Variants in PTPRO observed in about 807,000 individuals in gnomAD.
PTPRO encodes the protein receptor-type tyrosine-protein phosphatase O.
Under a neutral mutation model 145.2 loss-of-function variants are expected in PTPRO, and 62 were observed. That is an observed-to-expected ratio of 0.43 (90% CI 0.35 to 0.53). PTPRO has a LOEUF of 0.53. Among genes scored for constraint, PTPRO ranks in the 20% least tolerant of loss-of-function variants. PTPRO has a pLI of 0.01. For synonymous variants in PTPRO, 565 were observed against 514.7 expected (o/e 1.10, Z -1.32); for missense variants, 1,345 against 1,482.7 (o/e 0.91, Z 1.53).
Position 15,560,538 on chromosome 12 carries a change from T to C in PTPRO, c.2711+262T>C, listed in dbSNP as rs75415070. ...GTTATTTGTTTCTTCATTGAGTCAA[T>C]CCATTGGCCTCTCATCTTTGCAAAT... On this transcript the variant is annotated intron_variant, in intron 17 of 26. Transcript: ENST00000281171. Among the ~76,000 whole-genome samples, 207 of 152,172 alleles carry C rather than the reference T, an allele frequency of 1.4e-3. 2 individuals carry two copies. The East Asian group carries it at 0.038, about 28-fold the overall frequency.
chr12:15,388,860 C>T (rs1939104895), intron 1 of PTPRO, among the ~76,000 whole-genome samples: 1 of 151,960 alleles, frequency 6.6e-6, no homozygotes, highest in Admixed American at 6.6e-5. Flanking sequence ...TTAATAACCA[C>T]ATGTGATATC....
chr12:15,589,373 C>T lies in PTPRO; in HGVS notation c.3411-82C>T, dbSNP rs1944496444. ...CCTGGGCAACAGAGCAAGACTCCAT[C>T]TCAAAGAAAAAAAAAAAAAGAGGGG... On this transcript the variant is annotated intron_variant, in intron 24 of 26. Transcript: ENST00000281171. 34 of 1,512,444 alleles carry T rather than the reference C, an allele frequency of 2.2e-5. No individual in the cohort carries two copies. The South Asian group carries it at 3.7e-4, about 16-fold the overall frequency. The allele number at this position is 1,512,444 out of a possible 1,614,324, so 93.7% of individuals were successfully genotyped here.
At chr12:15,591,846 A>G (rs1340608808) in intron 25 of PTPRO, among the ~76,000 whole-genome samples, 2 of 151,984 alleles carry the variant, frequency 1.3e-5, no homozygotes, top group Non-Finnish European at 1.5e-5. Context: ...CTGGTGACAG[A>G]GCAAGACTCC....
rs767827661 is a variant in PTPRO, at chr12:15,322,707, G to A, written c.-20G>A. 1.2e-6 allele frequency: 2 copies of A among 1,605,928 alleles called. No homozygotes were observed. Among genetic ancestry groups the A allele is most frequent in the Admixed American group, 1.7e-5 (1 of 59,486 alleles). On this transcript the variant is annotated 5_prime_UTR_variant, in exon 1 of 27. Coordinates refer to ENST00000281171, the MANE Select transcript of PTPRO (RefSeq NM_030667.3). The surrounding 1 kb of genome is among the most constrained non-coding windows in gnomAD (Gnocchi z 6.3). ...AGTCCGCTAGCGCAGCCGTGCCCCC[G>A]AGTCCCCGTCCGCGCAGCGATGGGG...
chr12:15,371,271 C>T (rs983124407), intron 1 of PTPRO, among the ~76,000 whole-genome samples: 6 of 150,526 alleles, frequency 4.0e-5, no homozygotes, highest in Non-Finnish European at 8.8e-5. Context: ...CTCGCTCTGT[C>T]GCCCAGGCTG....
intron 1 of PTPRO, among the ~76,000 whole-genome samples, chr12:15,389,264 T>C (rs950240284): frequency 2.0e-5 from 3 of 151,840 alleles, no homozygotes. Context: ...CCACCATGCC[T>C]GGCTAATTTT....
intron 17 of PTPRO, among the ~76,000 whole-genome samples, chr12:15,561,270 C>A (rs974104045): frequency 3.3e-5 from 5 of 151,832 alleles, no homozygotes; most frequent in Non-Finnish European, 5.9e-5. Flanking sequence ...GGTGGTGGTG[C>A]GGGTATGAAA....
At chr12:15,591,111 G>A (rs1007808601) in intron 25 of PTPRO, among the ~76,000 whole-genome samples, 3 of 152,170 alleles carry the variant, frequency 2.0e-5, no homozygotes, top group Non-Finnish European at 2.9e-5. Flanking sequence ...GCTCACAGCT[G>A]TAATCCCAGC....
At chr12:15,460,614 CAG>C (rs1207885367) in intron 1 of PTPRO, among the ~76,000 whole-genome samples, 1 of 152,086 alleles carries the variant, frequency 6.6e-6, no homozygotes, top group Non-Finnish European at 1.5e-5. Flanking sequence ...AGCATGCCCA[CAG>C]AGCCAACCTA....
intron 1 of PTPRO, among the ~76,000 whole-genome samples, chr12:15,377,068 G>A (rs1938710861): frequency 6.6e-6 from 1 of 152,126 alleles, no homozygotes; most frequent in East Asian, 1.9e-4. Context: ...GAGATGGGGA[G>A]AGAGTAGAGC....
At chr12:15,511,716 C>G (rs1942445466) in intron 7 of PTPRO, among the ~76,000 whole-genome samples, 1 of 152,140 alleles carries the variant, frequency 6.6e-6, no homozygotes, top group Non-Finnish European at 1.5e-5. Context: ...CAGGTGCACA[C>G]CACCACACCC....
At chr12:15,387,129 G>A (rs1481760013) in intron 1 of PTPRO, among the ~76,000 whole-genome samples, 1 of 152,038 alleles carries the variant, frequency 6.6e-6, no homozygotes, top group Non-Finnish European at 1.5e-5. Flanking sequence ...TATTCCATGT[G>A]TGCACACGTA....
intron 15 of PTPRO, among the ~76,000 whole-genome samples, chr12:15,555,629 T>C (rs1431709678): frequency 6.6e-6 from 1 of 152,184 alleles, no homozygotes; most frequent in Non-Finnish European, 1.5e-5. Flanking sequence ...GTAATGCAAG[T>C]AGTGGTATTT....
At chr12:15,587,217 T>C (rs1944448356) in intron 24 of PTPRO, 166 bp downstream of exon 24, 1 of 773,458 alleles carries the variant, frequency 1.3e-6, no homozygotes, top group Non-Finnish European at 2.1e-6. Flanking sequence ...ATGTTTATTC[T>C]GGCTTTCCTG....
At chr12:15,502,194 G>A in intron 5 of PTPRO, 131 bp downstream of exon 5, 1 of 936,590 alleles carries the variant, frequency 1.1e-6, no homozygotes, top group Non-Finnish European at 1.6e-6. Context: ...AATGAAAGGG[G>A]AGAATTTAAT....
Position 15,497,416 on chromosome 12 carries a change from AG to A in PTPRO, c.508+15del. Reference sequence around the variant, plus strand: ...ATGCTATATAAAGGTAAGCAGCAAAAGGAAAGCTGAATCAATGATGACCCTC... The same window carrying A: ...ATGCTATATAAAGGTAAGCAGCAAAAGAAAGCTGAATCAATGATGACCCTC... On this transcript the variant is annotated intron_variant, in intron 3 of 26. Coordinates refer to ENST00000281171, the MANE Select transcript of PTPRO (RefSeq NM_030667.3). 1.9e-6 allele frequency: 3 copies of A among 1,611,670 alleles called. No individual in the cohort carries two copies. Among genetic ancestry groups the A allele is most frequent in the Non-Finnish European group, 2.5e-6 (3 of 1,178,228 alleles).
At chr12:15,551,882 T>A (rs1238822775) in intron 15 of PTPRO, among the ~76,000 whole-genome samples, 1 of 152,072 alleles carries the variant, frequency 6.6e-6, no homozygotes, top group Non-Finnish European at 1.5e-5. Context: ...GGATTGCTTG[T>A]TTACACAAAG....
intron 10 of PTPRO, among the ~76,000 whole-genome samples, chr12:15,521,440 A>G (rs964680247): frequency 6.6e-6 from 1 of 152,196 alleles, no homozygotes; most frequent in Non-Finnish European, 1.5e-5. Context: ...TATAATGATA[A>G]TCACATATTT....
intron 15 of PTPRO, among the ~76,000 whole-genome samples, chr12:15,556,798 T>C (rs1038295841): frequency 6.6e-6 from 1 of 152,186 alleles, no homozygotes; most frequent in Non-Finnish European, 1.5e-5. Context: ...AGAGTTTCTA[T>C]GTTACTATTA....
Sources: allele counts gnomAD v4.1 joint callset (sites outside exome capture counted in the v4.1 genomes callset), GRCh38; gene constraint gnomAD v4.1.1; non-coding constraint Gnocchi (gnomAD v3.1); transcripts MANE v1.5; gene names NCBI Gene and HGNC (gene_info 2026-07-23, HGNC 2026-07-21).